Variants in DLGAP4 observed in about 807,000 individuals in gnomAD.
DLGAP4 encodes disks large-associated protein 4.
DLGAP4 carries 18 observed loss-of-function variants against 86.9 expected under a neutral mutation model. The observed-to-expected ratio is 0.21, with a 90% CI of 0.14 to 0.31. DLGAP4 has a LOEUF of 0.31. Ranked by LOEUF, DLGAP4 falls within the 10% of genes least tolerant of loss-of-function variation. The pLI is 1.00. For missense variants in DLGAP4, 1,085 were observed against 1,362.6 expected, an observed-to-expected ratio of 0.80 and a Z score of 3.21; for synonymous variants, 548 against 574.3, an observed-to-expected ratio of 0.95 and a Z score of 0.65.
At chr20:36,424,445 A>C (rs568585652) in intron 2 of DLGAP4, among the ~76,000 whole-genome samples, 64 of 152,320 alleles carry the variant, frequency 4.2e-4, no homozygotes, top group Middle Eastern at 3.4e-3. Context: ...TTCCAGGGCA[A>C]GATGTCAAGG....
chr20:36,358,738 G>A (rs995195564), intron 1 of DLGAP4, among the ~76,000 whole-genome samples: 1 of 152,126 alleles, frequency 6.6e-6, no homozygotes, highest in African/African-American at 2.4e-5. Flanking sequence ...AACCCAGGGG[G>A]CGGAGCTTGC....
intron 1 of DLGAP4, among the ~76,000 whole-genome samples, chr20:36,349,416 T>A (rs1454921871): frequency 1.4e-5 from 2 of 140,296 alleles, no homozygotes; most frequent in Non-Finnish European, 3.1e-5. Flanking sequence ...AGACTCCATC[T>A]CCAAAAAAAA....
chr20:36,378,414 G>T (rs925482143), intron 2 of DLGAP4, among the ~76,000 whole-genome samples: 20 of 152,132 alleles, frequency 1.3e-4, no homozygotes, highest in African/African-American at 4.6e-4. Flanking sequence ...CTAGAACAGC[G>T]CCTAGCACTT....
rs180838485 is a variant in DLGAP4 at position 36,474,851 on chromosome 20, G to A, written c.1649-21854G>A. On this transcript the variant is annotated intron_variant, in intron 7 of 12. Coordinates refer to ENST00000339266, the MANE Select transcript of DLGAP4 (RefSeq NM_001365621.2). ...CATTTACTTGAGTGCCAAGTGCTGT[G>A]CCAGGAGCCAGGGAGAGACTAGGGA... Among the ~76,000 whole-genome samples, 19 of 152,312 alleles carry A rather than the reference G, an allele frequency of 1.2e-4. No homozygotes were observed. In the East Asian group the frequency reaches 3.5e-3, roughly 28 times the overall value.
At chr20:36,369,357 C>A (rs1210497687) in intron 2 of DLGAP4, among the ~76,000 whole-genome samples, 2 of 152,120 alleles carry the variant, frequency 1.3e-5, no homozygotes, top group Non-Finnish European at 2.9e-5. Context: ...CTTTGGGAGG[C>A]CGAGGCAGGC....
At chr20:36,404,845 T>C (rs2032268473) in intron 2 of DLGAP4, among the ~76,000 whole-genome samples, 1 of 152,188 alleles carries the variant, frequency 6.6e-6, no homozygotes, top group South Asian at 2.1e-4. Flanking sequence ...ACCAGTCCCA[T>C]GGGGACCCTC....
chr20:36,467,009 C>G (rs576994372), intron 7 of DLGAP4, among the ~76,000 whole-genome samples: 4 of 134,614 alleles, frequency 3.0e-5, no homozygotes, highest in African/African-American at 8.8e-5. Flanking sequence ...CTCTCTCTCT[C>G]TCTCTCTCCT....
At chr20:36,331,239 C>T (rs1555891529) in intron 1 of DLGAP4, among the ~76,000 whole-genome samples, 1 of 152,230 alleles carries the variant, frequency 6.6e-6, no homozygotes, top group Non-Finnish European at 1.5e-5. Flanking sequence ...CCCAGCCCTT[C>T]AGGGAGGACC....
At chr20:36,445,023 C>T (rs2147574218) in intron 6 of DLGAP4, among the ~76,000 whole-genome samples, 1 of 152,230 alleles carries the variant, frequency 6.6e-6, no homozygotes, top group East Asian at 1.9e-4. Context: ...GTGTCACAAT[C>T]ATAGTTCACT....
chr20:36,503,632 C>T (rs1459248858), intron 10 of DLGAP4, among the ~76,000 whole-genome samples: 6 of 152,016 alleles, frequency 3.9e-5, no homozygotes, highest in African/African-American at 1.2e-4. Flanking sequence ...GAACTACAGG[C>T]GCCTGCCAAC....
intron 4 of DLGAP4, among the ~76,000 whole-genome samples, chr20:36,438,962 C>T (rs1415505030): frequency 2.0e-5 from 3 of 152,124 alleles, no homozygotes; most frequent in African/African-American, 7.2e-5. Flanking sequence ...TGGAGGATCT[C>T]TAAGACCCCT....
intron 2 of DLGAP4, among the ~76,000 whole-genome samples, chr20:36,422,197 T>C (rs1384625656): frequency 6.6e-6 from 1 of 152,158 alleles, no homozygotes; most frequent in Non-Finnish European, 1.5e-5. Context: ...TTCAGAGGTC[T>C]AAGGCAGAGA....
intron 1 of DLGAP4, among the ~76,000 whole-genome samples, chr20:36,339,823 C>T (rs1473660765): frequency 6.6e-6 from 1 of 152,186 alleles, no homozygotes; most frequent in Non-Finnish European, 1.5e-5. Context: ...AGAGCCAGTG[C>T]TGGCATTTGC....
At chr20:36,436,716 T>C (rs1187480308) in intron 4 of DLGAP4, among the ~76,000 whole-genome samples, 1 of 151,066 alleles carries the variant, frequency 6.6e-6, no homozygotes, top group Non-Finnish European at 1.5e-5. Context: ...CTCGGGAGGC[T>C]GAGACAGGAG....
chr20:36,396,700 C>A (rs1208423849), intron 2 of DLGAP4, among the ~76,000 whole-genome samples: 1 of 118,194 alleles, frequency 8.5e-6, no homozygotes, highest in Non-Finnish European at 1.9e-5. Flanking sequence ...ATAGATGGAA[C>A]TTTTGATCTT....
chr20:36,481,765 C>T (rs1473583735), intron 7 of DLGAP4, among the ~76,000 whole-genome samples: 1 of 152,174 alleles, frequency 6.6e-6, no homozygotes, highest in Non-Finnish European at 1.5e-5. Context: ...TCCAGTTTGA[C>T]GATATCCCTT....
chr20:36,348,238 G>A (rs1488084095), intron 1 of DLGAP4, among the ~76,000 whole-genome samples: 1 of 152,228 alleles, frequency 6.6e-6, no homozygotes, highest in Non-Finnish European at 1.5e-5. Context: ...GAGGAGATAT[G>A]GGGGGACAAT....
intron 10 of DLGAP4, among the ~76,000 whole-genome samples, chr20:36,511,261 G>A (rs2036678133): frequency 6.6e-6 from 1 of 152,122 alleles, no homozygotes; most frequent in African/African-American, 2.4e-5. Flanking sequence ...GGAGCACAAT[G>A]GCATGATCTT....
chr20:36,432,840 T>C lies in DLGAP4; in HGVS notation c.999+124T>C. The stretch of plus-strand genomic sequence containing the variant: ...ATTCTGGGCCTCTGTGGCTCAGCTA[T>C]AAAATGGGTGGCCTAGTGGTACCTG... On this transcript the variant is annotated intron_variant, in intron 3 of 12. Transcript: ENST00000339266. This position sits in a 1 kb window ranked among gnomAD's most constrained non-coding sequence, Gnocchi z 6.5. 3.1e-6 allele frequency: 4 copies of C among 1,284,214 alleles called. No homozygotes were observed. The highest frequency in any genetic ancestry group is 1.5e-5 in the African/African-American group (1 of 67,438). 79.6% of individuals were successfully genotyped at this position (1,284,214 alleles called of 1,614,324 possible). A position where few individuals can be genotyped will look rare whatever the true frequency, so the allele number is the denominator to read the frequency against.
Sources: gnomAD v4.1 joint callset for allele counts (sites outside exome capture counted in the v4.1 genomes callset) on GRCh38, gnomAD v4.1.1 for gene constraint, Gnocchi (gnomAD v3.1) non-coding constraint, MANE v1.5 for transcripts, NCBI Gene and HGNC (gene_info 2026-07-23, HGNC 2026-07-21) for gene names.